Variants in PCM1 observed in about 807,000 individuals in gnomAD.
PCM1 encodes the protein pericentriolar material 1 protein.
A neutral mutation model predicts 241.9 loss-of-function variants in PCM1; 157 were observed. The observed-to-expected ratio is 0.65, with a 90% CI of 0.57 to 0.74. The LOEUF (loss-of-function observed/expected upper bound fraction) is 0.74, where lower values mean the gene tolerates loss of function less well. Among genes scored for constraint, PCM1 ranks in the 30% least tolerant of loss-of-function variants. The probability of loss-of-function intolerance (pLI) is 0.00; values close to 1 mark genes in which losing one functional copy is unlikely to be tolerated. For synonymous variants in PCM1, 1,085 were observed against 784.9 expected, an observed-to-expected ratio of 1.38 and a Z score of -6.39; for missense variants, 3,478 against 2,360.1, an observed-to-expected ratio of 1.47 and a Z score of -9.81.
At chr8:18,006,589 T>C (rs1160744801) in intron 30 of PCM1, among the ~76,000 whole-genome samples, 192 bp downstream of exon 30, 1 of 152,198 alleles carries the variant, frequency 6.6e-6, no homozygotes, top group African/African-American at 2.4e-5. Flanking sequence ...TATTAGGTCC[T>C]GTTTGTATCT....
intron 6 of PCM1, among the ~76,000 whole-genome samples, chr8:17,945,944 C>T (rs540578834): frequency 7.9e-5 from 12 of 152,056 alleles, no homozygotes; most frequent in African/African-American, 2.9e-4. Context: ...TAGGTAAAAT[C>T]GTTCAACTTT....
Position 18,029,339 on chromosome 8 carries a change from C to T in PCM1, c.*1677C>T, listed in dbSNP as rs1001345730. 3.3e-5 allele frequency: 7 copies of T among 210,710 alleles called. No individual in the cohort carries two copies. Among genetic ancestry groups the T allele is most frequent in the South Asian group, 1.9e-4 (1 of 5,334 alleles). 13.1% of individuals were successfully genotyped at this position (210,710 alleles called of 1,614,324 possible). On this transcript the variant is annotated 3_prime_UTR_variant, in exon 39 of 39. Transcript: ENST00000325083. ...TTCAGAAAATTACCAATTCAGAATT[C>T]GGAGTTCTTATCCAGGTGCTCTAAC...
chr8:17,928,539 C>T (rs1174262329), intron 2 of PCM1, among the ~76,000 whole-genome samples: 1 of 151,858 alleles, frequency 6.6e-6, no homozygotes, highest in Non-Finnish European at 1.5e-5. Context: ...GCTCTAGACC[C>T]CAATGGCCCC....
rs561145371 is a variant in PCM1, at chr8:17,969,721, G to C, written c.3557G>C (p.Ser1186Thr). The C allele has an allele frequency of 3.1e-6, 5 of 1,604,526 alleles. No homozygotes were observed. Among genetic ancestry groups the C allele is most frequent in the South Asian group, 1.1e-5 (1 of 90,610 alleles). ...YMAFPKPFESSSSIGAEKPRN... is the reference protein window; with the variant it reads ...YMAFPKPFESTSSIGAEKPRN... ...GCTTTTCCAAAACCTTTTGAAAGCA[G>C]TTCCTCTATTGGAGCAGAGAAACCA... Residue 1186 changes from serine to threonine, a missense_variant, in exon 22 of 39, where the codon AGT (serine) becomes ACT (threonine). By Grantham distance (58) the Ser-to-Thr change is moderately conservative. Coordinates refer to ENST00000325083, the MANE Select transcript of PCM1 (RefSeq NM_006197.4).
chr8:17,945,772 C>G (rs572510962), intron 6 of PCM1, among the ~76,000 whole-genome samples: 1 of 152,102 alleles, frequency 6.6e-6, no homozygotes, highest in Admixed American at 6.5e-5. Flanking sequence ...ATGTACATAG[C>G]AAGTGTAGAT....
chr8:17,978,474 A>G (rs773876847), intron 23 of PCM1, among the ~76,000 whole-genome samples: 2 of 152,112 alleles, frequency 1.3e-5, no homozygotes, highest in South Asian at 4.2e-4. Context: ...AAGCTTCCAT[A>G]TGAAAGACCA....
At chr8:17,941,688 G>C (rs958388063) in intron 6 of PCM1, among the ~76,000 whole-genome samples, 5 of 152,076 alleles carry the variant, frequency 3.3e-5, no homozygotes, top group African/African-American at 1.2e-4. Context: ...CGTGCATTGA[G>C]GACAAACTAG....
chr8:17,999,140 C>T (rs1399876088), intron 29 of PCM1, among the ~76,000 whole-genome samples: 1 of 152,028 alleles, frequency 6.6e-6, no homozygotes, highest in East Asian at 1.9e-4. Flanking sequence ...TGGTGCTCTA[C>T]CCCACTGTGA....
intron 29 of PCM1, among the ~76,000 whole-genome samples, chr8:17,997,230 A>G (rs1003439880): frequency 1.3e-5 from 2 of 151,968 alleles, no homozygotes; most frequent in African/African-American, 4.8e-5. Context: ...CCTGACCTGT[A>G]AGGATTCTAG....
intron 2 of PCM1, among the ~76,000 whole-genome samples, chr8:17,929,765 C>G (rs1440657976): frequency 2.0e-5 from 3 of 152,152 alleles, no homozygotes; most frequent in Non-Finnish European, 4.4e-5. Context: ...TAGTACCAAA[C>G]TCTATGTGTA....
chr8:17,982,570 C>G (rs1333695347), intron 24 of PCM1: 1 of 152,240 alleles, frequency 6.6e-6, no homozygotes, highest in East Asian at 1.9e-4. Flanking sequence ...CCTCGGCTCA[C>G]TGCAACCTCT....
chr8:17,928,586 CTT>C (rs2057895518), intron 2 of PCM1, among the ~76,000 whole-genome samples: 1 of 148,914 alleles, frequency 6.7e-6, no homozygotes, highest in Non-Finnish European at 1.5e-5. Context: ...TGCTTATCTC[CTT>C]TCTCTTCTGC....
chr8:17,957,002 A>G (rs2068828735), intron 11 of PCM1, among the ~76,000 whole-genome samples: 1 of 152,226 alleles, frequency 6.6e-6, no homozygotes, highest in Non-Finnish European at 1.5e-5. Context: ...GAATTCGAGT[A>G]AATCATGAGA....
chr8:17,970,773 AAATT>A (rs1483328249), intron 22 of PCM1, among the ~76,000 whole-genome samples: 1 of 152,182 alleles, frequency 6.6e-6, no homozygotes, highest in East Asian at 1.9e-4. Flanking sequence ...CTCTGGTTTT[AAATT>A]ATTTATATCA....
In PCM1 at chr8:17,980,697, G is replaced by A. The variant is rs190948639; in HGVS notation, c.4050G>A (p.Lys1350=). 140 of 1,613,004 alleles carry A rather than the reference G, an allele frequency of 8.7e-5. No homozygotes were observed. The highest frequency in any genetic ancestry group is 5.8e-4 in the East Asian group (26 of 44,836). ...TTCAAGCAAAAGTATTCAGCAGAAA[G>A]AATCATGAGCAACTGGAAAAAATAA... ...EPVQAKVFSR[K]NHEQLEKIIK... The change falls in exon 24 of 39, where the codon AAG becomes AAA. Residue 1350 remains lysine (K), a synonymous_variant. Coordinates refer to ENST00000325083, the MANE Select transcript of PCM1 (RefSeq NM_006197.4).
At chr8:18,019,063 C>CGA (rs201103020) in intron 36 of PCM1, among the ~76,000 whole-genome samples, 1 of 151,712 alleles carries the variant, frequency 6.6e-6, no homozygotes, top group South Asian at 2.1e-4. Flanking sequence ...ACAGTGTAAT[C>CGA]TTTCTTTCCT....
chr8:17,955,986 G>A (rs2068215984), intron 10 of PCM1: 2 of 357,344 alleles, frequency 5.6e-6, no homozygotes, highest in East Asian at 7.0e-5. Context: ...ATCACACAAG[G>A]CTGTGTTACC....
chr8:17,972,392 A>C lies in PCM1; in HGVS notation c.3648A>C (p.Glu1216Asp), dbSNP rs1354529209. ...SSRTPWLYEQ[E>D]GEVEKPFIKT... Reference sequence around the variant, plus strand: ...GGACACCATGGTTATATGAACAAGAAGGTGAAGTAGAGAAACCATTTATCA... The same window carrying C: ...GGACACCATGGTTATATGAACAAGACGGTGAAGTAGAGAAACCATTTATCA... Residue 1216 changes from glutamate to aspartate, a missense_variant, in exon 23 of 39, where the codon GAA (glutamate) becomes GAC (aspartate). Coordinates refer to ENST00000325083, the MANE Select transcript of PCM1 (RefSeq NM_006197.4). The C allele has an allele frequency of 2.5e-6, 4 of 1,600,794 alleles. No homozygotes were observed. The highest frequency in any genetic ancestry group is 2.2e-5 in the South Asian group (2 of 89,308).
At chr8:17,971,802 A>G (rs2076943844) in intron 22 of PCM1, among the ~76,000 whole-genome samples, 1 of 152,166 alleles carries the variant, frequency 6.6e-6, no homozygotes, top group Non-Finnish European at 1.5e-5. Context: ...AGTACAGTTG[A>G]TAACGATCAT....
Sources: allele counts gnomAD v4.1 joint callset (sites outside exome capture counted in the v4.1 genomes callset), GRCh38; gene constraint gnomAD v4.1.1; transcripts MANE v1.5; gene names NCBI Gene and HGNC (gene_info 2026-07-23, HGNC 2026-07-21).